CPEB1: variants seen among roughly 807,000 people sequenced by gnomAD.
CPEB1 encodes cytoplasmic polyadenylation element-binding protein 1.
In CPEB1, 7 loss-of-function variants were observed where a neutral mutation model predicts 65.8. The observed-to-expected ratio is 0.11, with a 90% CI of 0.06 to 0.20. CPEB1 has a LOEUF of 0.20. Ranked by LOEUF, CPEB1 falls within the 10% of genes least tolerant of loss-of-function variation. The pLI, the probability that CPEB1 is intolerant of heterozygous loss-of-function variation, is 1.00. For missense variants in CPEB1, 551 were observed against 712.2 expected (o/e 0.77, Z 2.58); for synonymous variants, 262 against 260.0 (o/e 1.01, Z -0.08).
At chr15:82,545,862 G>A (rs1200334346) in intron 12 of CPEB1, among the ~76,000 whole-genome samples, 1 of 152,174 alleles carries the variant, frequency 6.6e-6, no homozygotes, top group African/African-American at 2.4e-5. Flanking sequence ...ACCACACCCA[G>A]CCAGGCTTCC....
chr15:82,553,490 T>A lies in CPEB1; in HGVS notation c.1121A>T (p.Lys374Met). Residue 374 changes from lysine to methionine, a missense_variant, in exon 8 of 13, where the codon AAG becomes ATG. Lys to Met is a moderately conservative substitution (Grantham distance 95). Around this residue, in one of 6 missense-constraint regions of CPEB1, gnomAD observed 99 missense variants for 161.3 expected, o/e 0.61. Coordinates refer to ENST00000684509, the MANE Select transcript of CPEB1 (RefSeq NM_001365242.1). The part of the protein sequence containing the change: ...LSVEWPGKDG[K>M]HPRCPPKGYV... Reference sequence around the variant, plus strand: ...ACCTTTGGGAGGACACCGGGGATGCTTGCCATCCTTACCAGGCCACTCCAC... The same window carrying A: ...ACCTTTGGGAGGACACCGGGGATGCATGCCATCCTTACCAGGCCACTCCAC... 1 of 1,613,894 alleles carries A rather than the reference T, an allele frequency of 6.2e-7. No homozygotes were observed. The highest frequency in any genetic ancestry group is 8.5e-7 in the Non-Finnish European group (1 of 1,179,880).
At chr15:82,584,312 G>A (rs1403280273) in intron 3 of CPEB1, among the ~76,000 whole-genome samples, 3 of 145,184 alleles carry the variant, frequency 2.1e-5, no homozygotes, top group Admixed American at 6.9e-5. Flanking sequence ...ATCACTGAAC[G>A]TGAAGATACA....
At chr15:82,606,431 C>A (rs1459263184) in intron 3 of CPEB1, among the ~76,000 whole-genome samples, 2 of 149,054 alleles carry the variant, frequency 1.3e-5, no homozygotes, top group African/African-American at 5.0e-5. Flanking sequence ...GATGGCACCA[C>A]TGCACTCCAA....
At chr15:82,573,827 T>C (rs540213017) in intron 3 of CPEB1, among the ~76,000 whole-genome samples, 29 of 152,256 alleles carry the variant, frequency 1.9e-4, no homozygotes, top group African/African-American at 6.7e-4. Context: ...CAAAAAAAGT[T>C]TGAGCAGTCG....
At chr15:82,625,337 G>C (rs1373655469) in intron 3 of CPEB1, among the ~76,000 whole-genome samples, 1 of 151,464 alleles carries the variant, frequency 6.6e-6, no homozygotes, top group Non-Finnish European at 1.5e-5. Context: ...TTGCCTTCCT[G>C]TACGACAGAA....
chr15:82,632,160 T>G (rs2046309568), intron 1 of CPEB1, among the ~76,000 whole-genome samples: 2 of 151,722 alleles, frequency 1.3e-5, no homozygotes, highest in Non-Finnish European at 2.9e-5. Flanking sequence ...TTTTTTGTAT[T>G]TTTAGTAGAG....
chr15:82,612,671 T>C (rs912302457), intron 3 of CPEB1, among the ~76,000 whole-genome samples: 10 of 151,232 alleles, frequency 6.6e-5, no homozygotes, highest in Non-Finnish European at 1.2e-4. Flanking sequence ...CCCATCTCTA[T>C]TAAAAATACA....
intron 4 of CPEB1, among the ~76,000 whole-genome samples, chr15:82,568,746 T>C (rs1278551297): frequency 3.9e-5 from 6 of 152,334 alleles, no homozygotes; most frequent in East Asian, 1.9e-4. Flanking sequence ...GCACTCGGTA[T>C]ACCTCCTCAT....
intron 3 of CPEB1, among the ~76,000 whole-genome samples, chr15:82,590,966 G>A (rs1005416267): frequency 2.0e-5 from 3 of 152,096 alleles, no homozygotes; most frequent in African/African-American, 7.2e-5. Flanking sequence ...GAATAGCACT[G>A]CAATGAACAT....
chr15:82,644,657 A>G (rs1487483620), intron 1 of CPEB1, among the ~76,000 whole-genome samples: 5 of 152,210 alleles, frequency 3.3e-5, no homozygotes, highest in African/African-American at 1.2e-4. Flanking sequence ...GCTGAGCAAC[A>G]ATCAGCTAGT....
chr15:82,640,064 G>A (rs181829995), intron 1 of CPEB1, among the ~76,000 whole-genome samples: 45 of 152,244 alleles, frequency 3.0e-4, no homozygotes, highest in Middle Eastern at 6.8e-3. Context: ...GCTTAGCTAT[G>A]AGAACCACTA....
upstream of CPEB1, chr15:82,648,415 C>T (rs900715748): frequency 2.6e-5 from 4 of 152,468 alleles, no homozygotes; most frequent in African/African-American, 9.6e-5. Context: ...ACTGTAGCCC[C>T]TGGGCTCCAG....
chr15:82,570,333 T>C (rs1312553696), intron 4 of CPEB1, among the ~76,000 whole-genome samples: 1 of 152,160 alleles, frequency 6.6e-6, no homozygotes, highest in Non-Finnish European at 1.5e-5. Flanking sequence ...GACAGCAGAC[T>C]TGGTGTTTCC....
chr15:82,644,632 T>G (rs973827368), intron 1 of CPEB1, among the ~76,000 whole-genome samples: 1 of 152,214 alleles, frequency 6.6e-6, no homozygotes, highest in Non-Finnish European at 1.5e-5. Flanking sequence ...CCACCGACTC[T>G]GGGCCCACAT....
At chr15:82,630,093 C>A (rs1010549599) in intron 1 of CPEB1, 1 of 985,356 alleles carries the variant, frequency 1.0e-6, no homozygotes. Flanking sequence ...TTCATGAAGG[C>A]TAAGATGCAA....
chr15:82,636,150 T>G (rs969689223), intron 1 of CPEB1, among the ~76,000 whole-genome samples: 4 of 152,186 alleles, frequency 2.6e-5, no homozygotes, highest in African/African-American at 9.6e-5. Flanking sequence ...ATTTAAAATA[T>G]CCTCCCAATT....
intron 4 of CPEB1, among the ~76,000 whole-genome samples, chr15:82,569,110 C>CAG (rs1471263735): frequency 6.6e-6 from 1 of 152,216 alleles, no homozygotes; most frequent in Admixed American, 6.5e-5. Context: ...AGCTGGTTTT[C>CAG]AGACGGAAAG....
At chr15:82,625,881 G>A (rs1022424834) in intron 3 of CPEB1, among the ~76,000 whole-genome samples, 3 of 152,204 alleles carry the variant, frequency 2.0e-5, no homozygotes, top group Non-Finnish European at 4.4e-5. Flanking sequence ...CACTTTGGGA[G>A]GCCGAGGTGG....
intron 3 of CPEB1, among the ~76,000 whole-genome samples, chr15:82,599,767 A>C (rs1267251338): frequency 6.6e-6 from 1 of 152,184 alleles, no homozygotes; most frequent in Non-Finnish European, 1.5e-5. Flanking sequence ...ACCTACAACC[A>C]GAATAAAACC....
Sources: allele counts gnomAD v4.1 joint callset (sites outside exome capture counted in the v4.1 genomes callset), GRCh38; gene constraint gnomAD v4.1.1; regional missense constraint gnomAD v4.1.1; transcripts MANE v1.5; gene names NCBI Gene and HGNC (gene_info 2026-07-23, HGNC 2026-07-21).